GPR35: variants seen among roughly 807,000 people sequenced by gnomAD.
GPR35 encodes KYNA receptor.
For synonymous variants in GPR35, 207 were observed against 198.4 expected (o/e 1.04, Z -0.36); for missense variants, 372 against 422.5 (o/e 0.88, Z 1.05).
At chr2:240,609,166 A>G (rs1450426263) in intron 2 of GPR35, among the ~76,000 whole-genome samples, 2 of 151,734 alleles carry the variant, frequency 1.3e-5, no homozygotes, top group Non-Finnish European at 2.9e-5. Context: ...TTTTCAAATA[A>G]CCAATCTCCA....
chr2:240,629,914 T>A, intron 1 of GPR35, 35 bp from the exon 2 acceptor site: 5 of 1,557,666 alleles, frequency 3.2e-6, no homozygotes, highest in Non-Finnish European at 3.5e-6. Flanking sequence ...CCCTGCTCAC[T>A]CTCTGCTGAC....
At chr2:240,613,460 C>A (rs1056922142) in intron 2 of GPR35, among the ~76,000 whole-genome samples, 1 of 152,070 alleles carries the variant, frequency 6.6e-6, no homozygotes, top group African/African-American at 2.4e-5. Context: ...GGACCCCAAC[C>A]CTAATGCTAA....
At chr2:240,626,311 CGGGGTGAGGCTGTGACGGGGTCTCAGAGT>C (rs2043376970) in intron 1 of GPR35, among the ~76,000 whole-genome samples, 1 of 19,992 alleles carries the variant, frequency 5.0e-5, no homozygotes, top group Non-Finnish European at 8.4e-5. Context: ...GGTCTCAGAG[CGGGGTGAGGCTGTGACGGGGTCTCAGAGT>C]GGGGTGAGGC....
chr2:240,614,105 CCCTAACCCTAAG>C (rs1318078337), intron 2 of GPR35, among the ~76,000 whole-genome samples: 1 of 152,132 alleles, frequency 6.6e-6, no homozygotes, highest in Non-Finnish European at 1.5e-5. Flanking sequence ...CTAATTCCAA[CCCTAACCCTAAG>C]CCTAACCCTA....
chr2:240,619,387 G>A (rs1298145748), intron 5 of GPR35, among the ~76,000 whole-genome samples: 5 of 152,218 alleles, frequency 3.3e-5, no homozygotes, highest in African/African-American at 7.2e-5. Flanking sequence ...ATCAGCAGGC[G>A]TCTTGCCTGG....
upstream of GPR35, among the ~76,000 whole-genome samples, chr2:240,622,892 C>T (rs994520941): frequency 6.6e-6 from 1 of 152,236 alleles, no homozygotes; most frequent in African/African-American, 2.4e-5. Context: ...CACAGCAGGA[C>T]CCTGGCTGCC....
chr2:240,626,598 G>A (rs920901098), intron 1 of GPR35, among the ~76,000 whole-genome samples: 1 of 152,104 alleles, frequency 6.6e-6, no homozygotes. Flanking sequence ...CAAGAATGAA[G>A]AATACCCCGT....
intron 1 of GPR35, among the ~76,000 whole-genome samples, chr2:240,626,046 G>A (rs1277924504): frequency 1.4e-5 from 1 of 69,636 alleles, no homozygotes; most frequent in Non-Finnish European, 3.1e-5. Context: ...GTCTCAGAGT[G>A]GGGTGAGGCT....
intron 2 of GPR35, among the ~76,000 whole-genome samples, chr2:240,615,707 A>T (rs1275347916): frequency 1.3e-5 from 2 of 152,264 alleles, no homozygotes; most frequent in Non-Finnish European, 2.9e-5. Flanking sequence ...ACACATGACC[A>T]CAGTAAGCAT....
chr2:240,622,511 A>G (rs1037190107), upstream of GPR35, among the ~76,000 whole-genome samples: 1 of 152,052 alleles, frequency 6.6e-6, no homozygotes, highest in African/African-American at 2.4e-5. Flanking sequence ...ATACACTAAC[A>G]CTCACGATAG....
intron 1 of GPR35, chr2:240,628,975 C>CAAGT: frequency 6.6e-6 from 1 of 152,408 alleles, no homozygotes; most frequent in African/African-American, 2.4e-5. Flanking sequence ...GATGAGGAAA[C>CAAGT]AAGTTTGCCC....
upstream of GPR35, among the ~76,000 whole-genome samples, chr2:240,624,154 C>G (rs909333544): frequency 1.3e-5 from 2 of 152,082 alleles, no homozygotes; most frequent in African/African-American, 4.8e-5. Flanking sequence ...TGACGGCGGC[C>G]GGGCTTGGAC....
At chr2:240,620,140 C>T (rs1339191165) in intron 5 of GPR35, among the ~76,000 whole-genome samples, 16 of 152,146 alleles carry the variant, frequency 1.1e-4, no homozygotes, top group Admixed American at 9.8e-4. Context: ...AGGCCCACCC[C>T]GAGGCCAGGT....
In GPR35 at chr2:240,633,021, C is replaced by A. The variant is rs1170074064; in HGVS notation, c.*2139C>A. On this transcript the variant is annotated 3_prime_UTR_variant, in exon 2 of 2. Coordinates refer to ENST00000407714, the MANE Select transcript of GPR35 (RefSeq NM_005301.5). Reference sequence around the variant, plus strand: ...TCTGATGGTTTTATAAGGGGCTCTTCCCTTCACTTCTCCTTCCTACTGTCT... The same window carrying A: ...TCTGATGGTTTTATAAGGGGCTCTTACCTTCACTTCTCCTTCCTACTGTCT... 2.0e-5 allele frequency among the ~76,000 whole-genome samples: 3 copies of A among 152,192 alleles called. No homozygotes were observed. In the East Asian group the frequency reaches 5.8e-4, roughly 29 times the overall value.
upstream of GPR35, among the ~76,000 whole-genome samples, chr2:240,622,571 A>G (rs1346957764): frequency 3.3e-5 from 5 of 152,222 alleles, no homozygotes; most frequent in Non-Finnish European, 7.3e-5. Context: ...GTTTTAAGAA[A>G]GTTTACAAAT....
upstream of GPR35, among the ~76,000 whole-genome samples, chr2:240,623,459 G>GGGCGCAAACA (rs2043329581): frequency 3.4e-5 from 3 of 87,858 alleles, no homozygotes; most frequent in African/African-American, 1.4e-4. Context: ...CAGGTCGTGA[G>GGGCGCAAACA]GGTGCAAACA....
chr2:240,616,379 CCCT>C (rs764849680), intron 2 of GPR35: 5 of 765,064 alleles, frequency 6.5e-6, no homozygotes, highest in Non-Finnish European at 1.2e-5. Context: ...CTCTCTATTC[CCCT>C]CCTAGGTCTC....
Position 240,630,531 on chromosome 2 carries a change from G to C in GPR35, c.579G>C (p.Lys193Asn). 6.2e-7 allele frequency: 1 copy of C among 1,612,950 alleles called. No homozygotes were observed. Among genetic ancestry groups the C allele is most frequent in the Non-Finnish European group, 8.5e-7 (1 of 1,179,974 alleles). Reference sequence around the variant, plus strand: ...CCGTGGTGGTCTTCTGCTCCCTGAAGGTGGTGACTGCCCTGGCCCAGAGGC... The same window carrying C: ...CCGTGGTGGTCTTCTGCTCCCTGAACGTGGTGACTGCCCTGGCCCAGAGGC... ...PLAVVVFCSL[K>N]VVTALAQRPP... Residue 193 changes from lysine to asparagine, a missense_variant, in exon 2 of 2, where the codon AAG (lysine) becomes AAC (asparagine). Physicochemically the swap from Lys to Asn is moderately conservative, Grantham distance 94. Coordinates refer to ENST00000407714, the MANE Select transcript of GPR35 (RefSeq NM_005301.5).
At chr2:240,607,860 T>A (rs1406651968) in intron 2 of GPR35, among the ~76,000 whole-genome samples, 1 of 151,778 alleles carries the variant, frequency 6.6e-6, no homozygotes, top group Non-Finnish European at 1.5e-5. Context: ...CTCCTCCTCC[T>A]CCTCTTCTTT....
Sources: allele counts gnomAD v4.1 joint callset (sites outside exome capture counted in the v4.1 genomes callset), GRCh38; gene constraint gnomAD v4.1.1; transcripts MANE v1.5; gene names NCBI Gene and HGNC (gene_info 2026-07-23, HGNC 2026-07-21).